MCTP2: variants seen among roughly 807,000 people sequenced by gnomAD.
MCTP2 encodes multiple C2 and transmembrane domain-containing protein 2.
Under a neutral mutation model 111.6 loss-of-function variants are expected in MCTP2, and 132 were observed. The ratio of observed to expected loss-of-function variants is 1.18; its 90% CI spans 1.03 to 1.37. The LOEUF is 1.37. Ranked by LOEUF, MCTP2 falls within the 40% of genes most tolerant of loss-of-function variation. MCTP2 has a pLI of 0.00. For synonymous variants in MCTP2, 395 were observed against 387.7 expected, an observed-to-expected ratio of 1.02 and a Z score of -0.22; for missense variants, 1,183 against 1,067.9, an observed-to-expected ratio of 1.11 and a Z score of -1.50.
intron 2 of MCTP2, among the ~76,000 whole-genome samples, chr15:94,309,736 T>C (rs2152352689): frequency 2.0e-5 from 3 of 152,330 alleles, no homozygotes; most frequent in Admixed American, 2.0e-4. Flanking sequence ...ATTTGCATTC[T>C]TATGGTAGGA....
chr15:94,358,712 A>C, intron 10 of MCTP2, 100 bp downstream of exon 10: 1 of 1,397,536 alleles, frequency 7.2e-7, no homozygotes, highest in Non-Finnish European at 9.7e-7. Context: ...ACTACCTTGC[A>C]TCCCTCACCC....
At chr15:94,434,055 A>G (rs1476779431) in intron 17 of MCTP2, among the ~76,000 whole-genome samples, 1 of 152,096 alleles carries the variant, frequency 6.6e-6, no homozygotes, top group East Asian at 1.9e-4. Flanking sequence ...ATTTCCTTTC[A>G]AAGAGCAAAA....
intron 10 of MCTP2, among the ~76,000 whole-genome samples, chr15:94,359,237 T>C (rs756780927): frequency 1.8e-4 from 28 of 152,170 alleles, no homozygotes; most frequent in South Asian, 6.2e-4. Flanking sequence ...GCACAGATCA[T>C]CTCTGAGCTT....
chr15:94,293,274 T>C, intron 1 of MCTP2, among the ~76,000 whole-genome samples: 1 of 152,148 alleles, frequency 6.6e-6, no homozygotes, highest in African/African-American at 2.4e-5. Flanking sequence ...GAAGACAAGC[T>C]ACAAAGTAGG....
intron 1 of MCTP2, among the ~76,000 whole-genome samples, chr15:94,247,053 A>G (rs1290503150): frequency 2.6e-5 from 4 of 152,214 alleles, no homozygotes; most frequent in African/African-American, 7.2e-5. Flanking sequence ...TCATTAAATC[A>G]TGCTTCACAT....
At chr15:94,328,454 A>G (rs1190447508) in intron 4 of MCTP2, among the ~76,000 whole-genome samples, 8 of 152,132 alleles carry the variant, frequency 5.3e-5, no homozygotes, top group Non-Finnish European at 1.0e-4. Flanking sequence ...CTATACCACG[A>G]TGATACTTGC....
intron 19 of MCTP2, among the ~76,000 whole-genome samples, chr15:94,457,688 G>A (rs559316240): frequency 1.9e-4 from 29 of 152,198 alleles, no homozygotes; most frequent in Non-Finnish European, 3.8e-4. Flanking sequence ...TGACTAAGAT[G>A]CTCCAGTACT....
At chr15:94,426,122 G>A (rs1303684165) in intron 17 of MCTP2, among the ~76,000 whole-genome samples, 3 of 119,316 alleles carry the variant, frequency 2.5e-5, no homozygotes, top group East Asian at 5.0e-4. Flanking sequence ...TGAGATGCCA[G>A]AGAGAGAGAG....
chr15:94,415,149 T>G (rs1415591913), intron 17 of MCTP2, among the ~76,000 whole-genome samples: 1 of 151,938 alleles, frequency 6.6e-6, no homozygotes, highest in African/African-American at 2.4e-5. Flanking sequence ...GTCTGGGAGG[T>G]CGCAGAGTGT....
chr15:94,344,581 A>C (rs570899892), intron 7 of MCTP2, among the ~76,000 whole-genome samples: 2 of 152,254 alleles, frequency 1.3e-5, no homozygotes, highest in Non-Finnish European at 2.9e-5. Flanking sequence ...GCTATTTAGA[A>C]ATTTTTTTCC....
At chr15:94,349,903 A>G (rs2078211188) in intron 8 of MCTP2, among the ~76,000 whole-genome samples, 1 of 152,110 alleles carries the variant, frequency 6.6e-6, no homozygotes, top group South Asian at 2.1e-4. Context: ...GGATAAAATA[A>G]TGTGGCATAT....
Position 94,298,435 on chromosome 15 carries a change from A to G in MCTP2, c.170A>G (p.Glu57Gly). The G allele has an allele frequency of 1.2e-6, 2 of 1,614,196 alleles. No individual in the cohort carries two copies. The highest frequency in any genetic ancestry group is 1.7e-6 in the Non-Finnish European group (2 of 1,180,026). Residue 57 changes from glutamate (E) to glycine (G), a missense_variant, in exon 2 of 23, where the codon GAG becomes GGG. Coordinates refer to ENST00000357742, the MANE Select transcript of MCTP2 (RefSeq NM_001385001.1). ...AGCCTCTCTGTGCCTGATCTCCTGG[A>G]GGCTGAGGCCTTGGCCCCAGAGGGC... ...RLSLSVPDLL[E>G]AEALAPEGRP...
chr15:94,333,781 A>T (rs912166460), intron 4 of MCTP2, among the ~76,000 whole-genome samples: 1 of 152,228 alleles, frequency 6.6e-6, no homozygotes, highest in Admixed American at 6.5e-5. Flanking sequence ...CTCAATGAAT[A>T]CAACAGTAGG....
At chr15:94,446,690 G>A (rs2084135855) in intron 19 of MCTP2, among the ~76,000 whole-genome samples, 1 of 152,122 alleles carries the variant, frequency 6.6e-6, no homozygotes. Flanking sequence ...GGAATCATAA[G>A]GGCATGTAAT....
At chr15:94,273,019 G>T (rs1361025640) in intron 1 of MCTP2, among the ~76,000 whole-genome samples, 2 of 152,154 alleles carry the variant, frequency 1.3e-5, no homozygotes, top group African/African-American at 4.8e-5. Flanking sequence ...AGTCAAGACT[G>T]ATCTCAGGCT....
At position 94,402,017 on chromosome 15, in the gene MCTP2, G is replaced by A. The variant is rs144209524; in HGVS notation, c.2083G>A (p.Ala695Thr). 3,462 of 1,608,534 alleles carry A rather than the reference G, an allele frequency of 2.2e-3. 60 individuals are homozygous for A. In the African/African-American group the frequency reaches 0.042, roughly 20 times the overall value. The change falls in exon 17 of 23, where the codon GCG (alanine) becomes ACG (threonine). Residue 695 changes from alanine to threonine, a missense_variant and splice_region_variant. Physicochemically the swap from Ala to Thr is moderately conservative, Grantham distance 58 (BLOSUM62 0). Coordinates refer to ENST00000357742, the MANE Select transcript of MCTP2 (RefSeq NM_001385001.1). ...CACATTAAGAAGTACAATAGCATTC[G>A]CGGTAAGCTTCCTTTCTTATGTTCA... Reference protein sequence around the residue: ...ESTLRSTIAFAVFLITVWNFE... With the variant: ...ESTLRSTIAFTVFLITVWNFE...
At chr15:94,460,055 A>G (rs1421351610) in intron 20 of MCTP2, among the ~76,000 whole-genome samples, 1 of 152,224 alleles carries the variant, frequency 6.6e-6, no homozygotes, top group Non-Finnish European at 1.5e-5. Flanking sequence ...TGTCCTCCTC[A>G]TTACTACACT....
At chr15:94,266,483 TA>T in intron 1 of MCTP2, among the ~76,000 whole-genome samples, 1 of 152,206 alleles carries the variant, frequency 6.6e-6, no homozygotes. Flanking sequence ...TATTGCCAAA[TA>T]AGTAAATCAA....
In MCTP2 at chr15:94,298,425, G is replaced by A. The variant is rs749718835; in HGVS notation, c.160G>A (p.Asp54Asn). 3.7e-6 allele frequency: 6 copies of A among 1,614,068 alleles called. No individual in the cohort carries two copies. In the African/African-American group the frequency reaches 6.7e-5, roughly 18 times the overall value. Residue 54 changes from aspartate to asparagine, a missense_variant, in exon 2 of 23, where the codon GAT (aspartate) becomes AAT (asparagine). By Grantham distance (23) the Asp-to-Asn change is conservative (BLOSUM62 1). Coordinates refer to ENST00000357742, the MANE Select transcript of MCTP2 (RefSeq NM_001385001.1). Reference protein sequence around the residue: ...LDRRLSLSVPDLLEAEALAPE... With the variant: ...LDRRLSLSVPNLLEAEALAPE... Reference sequence around the variant, plus strand: ...CCGCCGTCTCAGCCTCTCTGTGCCTGATCTCCTGGAGGCTGAGGCCTTGGC... The same window carrying A: ...CCGCCGTCTCAGCCTCTCTGTGCCTAATCTCCTGGAGGCTGAGGCCTTGGC...
Sources: allele counts gnomAD v4.1 joint callset (sites outside exome capture counted in the v4.1 genomes callset), GRCh38; gene constraint gnomAD v4.1.1; transcripts MANE v1.5; gene names NCBI Gene and HGNC (gene_info 2026-07-23, HGNC 2026-07-21).